LIN7A: variants seen among roughly 807,000 people sequenced by gnomAD.
The protein encoded by LIN7A is protein lin-7 homolog A.
In LIN7A, 25 loss-of-function variants were observed where a neutral mutation model predicts 29.8. The ratio of observed to expected loss-of-function variants is 0.84; its 90% confidence interval spans 0.61 to 1.17. LIN7A has a LOEUF of 1.17. Among genes scored for constraint, LIN7A ranks in the 50% most tolerant of loss-of-function variants. The pLI is 0.00. For missense variants in LIN7A, 239 were observed against 287.0 expected (o/e 0.83, Z 1.21); for synonymous variants, 118 against 107.5 (o/e 1.10, Z -0.60).
intron 2 of LIN7A, among the ~76,000 whole-genome samples, chr12:80,871,966 T>C (rs1874448705): frequency 6.6e-6 from 1 of 152,104 alleles, no homozygotes; most frequent in African/African-American, 2.4e-5. Context: ...GCATTAACTC[T>C]TTTGACAATT....
chr12:80,896,932 A>G (rs1875933382), intron 1 of LIN7A, among the ~76,000 whole-genome samples: 1 of 152,200 alleles, frequency 6.6e-6, no homozygotes, highest in South Asian at 2.1e-4. Flanking sequence ...GAAATTGATT[A>G]CCTACCCAAT....
At chr12:80,935,838 CTT>C (rs776377005) in intron 1 of LIN7A, 3 of 479,838 alleles carry the variant, frequency 6.3e-6, no homozygotes, top group Non-Finnish European at 1.4e-5. Context: ...CAAGAGCAAA[CTT>C]TAAAAATAAA....
intron 1 of LIN7A, among the ~76,000 whole-genome samples, chr12:80,907,617 G>A (rs1488694460): frequency 1.3e-5 from 2 of 152,040 alleles, no homozygotes; most frequent in African/African-American, 2.4e-5. Context: ...TAAAAGGATT[G>A]TTCATTTATC....
intron 4 of LIN7A, among the ~76,000 whole-genome samples, chr12:80,829,740 T>C (rs1438726509): frequency 6.6e-6 from 1 of 152,176 alleles, no homozygotes; most frequent in Non-Finnish European, 1.5e-5. Context: ...TTACTGTTGA[T>C]CTTATCCCCC....
intron 2 of LIN7A, among the ~76,000 whole-genome samples, chr12:80,874,114 CTTA>C (rs1378097902): frequency 1.1e-4 from 16 of 152,062 alleles, no homozygotes. Flanking sequence ...CTAGGAGTCA[CTTA>C]TTATATGGTG....
intron 1 of LIN7A, among the ~76,000 whole-genome samples, chr12:80,907,002 TTTATTTTCAGTGAAACAATGATCA>T (rs141590637): frequency 0.023 from 3,466 of 151,684 alleles, 118 homozygotes; most frequent in African/African-American, 0.079. Flanking sequence ...CAACCTAAGT[TTTATTTTCAGTGAAACAATGATCA>T]TAATAGAACA....
chr12:80,920,016 T>C (rs1057153194), intron 1 of LIN7A, among the ~76,000 whole-genome samples: 1 of 152,200 alleles, frequency 6.6e-6, no homozygotes, highest in African/African-American at 2.4e-5. Flanking sequence ...AATGGTTAAG[T>C]TGAAAGTCAA....
intron 4 of LIN7A, among the ~76,000 whole-genome samples, chr12:80,816,071 A>G (rs1314795032): frequency 6.6e-6 from 1 of 152,196 alleles, no homozygotes; most frequent in African/African-American, 2.4e-5. Flanking sequence ...AAATGCTTCT[A>G]TCTTTAGCTG....
chr12:80,846,049 T>G (rs1873063113), intron 3 of LIN7A, 110 bp from the exon 4 acceptor site: 1 of 893,114 alleles, frequency 1.1e-6, no homozygotes, highest in Non-Finnish European at 1.6e-6. Flanking sequence ...TTTTATAGTA[T>G]TCTCCTGTGA....
At chr12:80,904,338 A>G (rs907828466) in intron 1 of LIN7A, among the ~76,000 whole-genome samples, 8 of 152,088 alleles carry the variant, frequency 5.3e-5, no homozygotes, top group African/African-American at 1.9e-4. Context: ...TCTCCTAGTG[A>G]TTTTCAAGAA....
chr12:80,873,533 TAA>T (rs899698752), intron 2 of LIN7A, among the ~76,000 whole-genome samples: 1 of 106,394 alleles, frequency 9.4e-6, no homozygotes. Context: ...ACCCTGTCTC[TAA>T]AAAAAAAAAG....
chr12:80,800,014 C>A (rs1870638091), intron 5 of LIN7A, among the ~76,000 whole-genome samples: 1 of 151,934 alleles, frequency 6.6e-6, no homozygotes, highest in Non-Finnish European at 1.5e-5. Flanking sequence ...CGGATAAAAT[C>A]AATAAACTTC....
chr12:80,866,212 T>C (rs1874128386), intron 2 of LIN7A, among the ~76,000 whole-genome samples: 1 of 152,214 alleles, frequency 6.6e-6, no homozygotes, highest in Admixed American at 6.5e-5. Context: ...TAAAAGATAC[T>C]ACAGGATATT....
At chr12:80,903,081 A>C (rs1039146556) in intron 1 of LIN7A, among the ~76,000 whole-genome samples, 11 of 151,398 alleles carry the variant, frequency 7.3e-5, no homozygotes, top group African/African-American at 2.7e-4. Flanking sequence ...AAAATAATAA[A>C]AGCTATCTAT....
intron 2 of LIN7A, among the ~76,000 whole-genome samples, chr12:80,879,161 T>C (rs1458736868): frequency 6.6e-6 from 1 of 152,044 alleles, no homozygotes; most frequent in Non-Finnish European, 1.5e-5. Flanking sequence ...GCTATGTAAC[T>C]ATAGATTCAC....
Position 80,878,297 on chromosome 12 carries a change from C to CA in LIN7A, c.201+10953dup, listed in dbSNP as rs1373542514. ...ACATCATTAAAAATGTGTCTTTACT[C>CA]AGAGAAAGCTGCAGAAATAGAACTA... On this transcript the variant is annotated intron_variant, in intron 2 of 5. Coordinates refer to ENST00000552864, the MANE Select transcript of LIN7A (RefSeq NM_004664.4). Among the ~76,000 whole-genome samples the CA allele has an allele frequency of 3.3e-5, 5 of 152,202 alleles. No individual in the cohort carries two copies. The East Asian group carries it at 7.7e-4, about 23-fold the overall frequency.
intron 4 of LIN7A, among the ~76,000 whole-genome samples, chr12:80,820,968 TG>T (rs747452534): frequency 1.3e-5 from 2 of 152,212 alleles, no homozygotes; most frequent in African/African-American, 4.8e-5. Context: ...CAGTTCTCAT[TG>T]TTTGCCTCCA....
intron 1 of LIN7A, among the ~76,000 whole-genome samples, chr12:80,904,427 G>C (rs1165923044): frequency 1.3e-5 from 2 of 152,036 alleles, no homozygotes; most frequent in Non-Finnish European, 2.9e-5. Context: ...CTGAAATTTT[G>C]TATCCTTTGA....
intron 2 of LIN7A, among the ~76,000 whole-genome samples, chr12:80,864,869 C>T (rs1312820455): frequency 6.6e-6 from 1 of 152,054 alleles, no homozygotes; most frequent in Non-Finnish European, 1.5e-5. Flanking sequence ...ACTTCCATCA[C>T]CTTCAAATTA....
Sources: gnomAD v4.1 joint callset for allele counts (sites outside exome capture counted in the v4.1 genomes callset) on GRCh38, gnomAD v4.1.1 for gene constraint, MANE v1.5 for transcripts, NCBI Gene and HGNC (gene_info 2026-07-23, HGNC 2026-07-21) for gene names.